The following NPFFR2 variants were observed in gnomAD, a reference collection of about 807,000 sequenced individuals.
The protein encoded by NPFFR2 is G-protein coupled receptor 74.
In NPFFR2, 15 loss-of-function variants were observed where a neutral mutation model predicts 13.1. The ratio of observed to expected loss-of-function variants is 1.15; its 90% CI spans 0.77 to 1.76. The LOEUF (loss-of-function observed/expected upper bound fraction) is 1.76. NPFFR2 is among the 40% of genes most tolerant of loss of function. The pLI is 0.00. For synonymous variants in NPFFR2, 190 were observed against 175.7 expected (o/e 1.08, Z -0.65); for missense variants, 572 against 503.5 (o/e 1.14, Z -1.30).
rs138034868 is a variant in NPFFR2, at chr4:72,045,290, G to T, written c.-8+13090G>T. On this transcript the variant is annotated intron_variant, in intron 1 of 3. Transcript: ENST00000308744. ...ATATTCTATTTATAGTTGTTTTTGAGAAATCTCCACATTGTTTTCCATCAT... is the reference window on the plus strand; with the variant it reads ...ATATTCTATTTATAGTTGTTTTTGATAAATCTCCACATTGTTTTCCATCAT... Among the ~76,000 whole-genome samples the T allele has an allele frequency of 5.9e-3, 902 of 152,212 alleles. 6 individuals carry two copies. The highest frequency in any genetic ancestry group is 0.02 in the African/African-American group (838 of 41,546).
intron 1 of NPFFR2, among the ~76,000 whole-genome samples, chr4:72,037,659 G>C (rs529955457): frequency 6.6e-6 from 1 of 152,074 alleles, no homozygotes; most frequent in Non-Finnish European, 1.5e-5. Flanking sequence ...ATCCTCCACA[G>C]GTGTGCAAAC....
intron 1 of NPFFR2, among the ~76,000 whole-genome samples, chr4:72,086,681 A>G (rs1353855145): frequency 6.6e-6 from 1 of 152,142 alleles, no homozygotes; most frequent in African/African-American, 2.4e-5. Flanking sequence ...TCTGTTTAGT[A>G]TCCAGAATAC....
intron 1 of NPFFR2, among the ~76,000 whole-genome samples, chr4:72,038,459 T>C (rs948339260): frequency 4.6e-5 from 7 of 152,202 alleles, no homozygotes; most frequent in Non-Finnish European, 7.3e-5. Context: ...ATTTCCCTAT[T>C]AGATTATCCT....
intron 1 of NPFFR2, among the ~76,000 whole-genome samples, chr4:72,096,162 T>C (rs1224693506): frequency 1.3e-5 from 2 of 152,196 alleles, no homozygotes; most frequent in Non-Finnish European, 2.9e-5. Context: ...AAAGGTCTGA[T>C]AAATGCCAGC....
chr4:72,046,554 A>G (rs547335268), intron 1 of NPFFR2, among the ~76,000 whole-genome samples: 46 of 152,280 alleles, frequency 3.0e-4, no homozygotes, highest in Admixed American at 1.5e-3. Context: ...TAAGTTACTC[A>G]GTGTGTGGTA....
intron 1 of NPFFR2, among the ~76,000 whole-genome samples, chr4:72,084,222 T>C (rs1055117613): frequency 6.6e-6 from 1 of 152,200 alleles, no homozygotes; most frequent in Non-Finnish European, 1.5e-5. Flanking sequence ...AGGAAAAAAT[T>C]CATTTCCTTT....
intron 1 of NPFFR2, among the ~76,000 whole-genome samples, chr4:72,051,680 C>G (rs181710001): frequency 6.6e-6 from 1 of 151,950 alleles, no homozygotes; most frequent in East Asian, 1.9e-4. Context: ...CACAAAAAAC[C>G]CTTCAAAAAA....
intron 2 of NPFFR2, among the ~76,000 whole-genome samples, chr4:72,134,458 A>G (rs1722347944): frequency 6.6e-6 from 1 of 152,090 alleles, no homozygotes; most frequent in South Asian, 2.1e-4. Flanking sequence ...CAGCACAAAC[A>G]TACATTCATA....
intron 1 of NPFFR2, among the ~76,000 whole-genome samples, chr4:72,114,776 T>C (rs1324328721): frequency 2.6e-5 from 4 of 152,172 alleles, no homozygotes; most frequent in African/African-American, 7.2e-5. Context: ...GTCAGAATAA[T>C]TAGACTCTTC....
intron 1 of NPFFR2, among the ~76,000 whole-genome samples, chr4:72,101,088 T>C (rs886333376): frequency 2.0e-5 from 3 of 152,066 alleles, no homozygotes; most frequent in African/African-American, 7.2e-5. Context: ...CTACACTATT[T>C]CCACTTATTT....
At chr4:72,110,998 C>G (rs534875223) in intron 1 of NPFFR2, among the ~76,000 whole-genome samples, 19 of 152,102 alleles carry the variant, frequency 1.2e-4, no homozygotes, top group South Asian at 8.3e-4. Context: ...CTCTAGGTCT[C>G]TTACTCATTT....
chr4:72,080,565 C>T (rs1009748491), intron 1 of NPFFR2, among the ~76,000 whole-genome samples: 9 of 152,078 alleles, frequency 5.9e-5, no homozygotes, highest in African/African-American at 2.2e-4. Flanking sequence ...GGGAATAAAT[C>T]CAGGTTTATT....
chr4:72,101,376 G>T (rs1259515010), intron 1 of NPFFR2, among the ~76,000 whole-genome samples: 2 of 151,608 alleles, frequency 1.3e-5, no homozygotes, highest in East Asian at 3.9e-4. Context: ...AATAGGTGCT[G>T]GGGTGAGACA....
intron 1 of NPFFR2, among the ~76,000 whole-genome samples, chr4:72,114,289 T>G (rs1721649124): frequency 6.6e-6 from 1 of 152,102 alleles, no homozygotes; most frequent in Non-Finnish European, 1.5e-5. Context: ...TCATGCTTGT[T>G]TCCTGTGACT....
chr4:72,043,998 G>A (rs1407895774), intron 1 of NPFFR2, among the ~76,000 whole-genome samples: 2 of 152,138 alleles, frequency 1.3e-5, no homozygotes, highest in African/African-American at 2.4e-5. Context: ...GGAAGTAATT[G>A]AATCACGGGG....
chr4:72,068,918 C>T (rs1323916641), intron 1 of NPFFR2: 3 of 1,190,494 alleles, frequency 2.5e-6, no homozygotes, highest in Non-Finnish European at 3.4e-6. Context: ...TCCAGGTCTC[C>T]TCAGTTGCGA....
At position 72,147,577 on chromosome 4, in the gene NPFFR2, G is replaced by A. The variant is rs1722827358; in HGVS notation, c.1028G>A (p.Gly343Asp). Residue 343 changes from glycine (G) to aspartate (D), a missense_variant, in exon 4 of 4, where the codon GGT (glycine) becomes GAT (aspartate). Coordinates refer to ENST00000308744, the MANE Select transcript of NPFFR2 (RefSeq NM_004885.3). ...TTCTTCAACGAGAATTTCCGCCGTG[G>A]TTTCCAAGAAGCTTTCCAGCTCCAG... ...YGFFNENFRR[G>D]FQEAFQLQLC... 7 of 1,614,174 alleles carry A rather than the reference G, an allele frequency of 4.3e-6. No homozygotes were observed. The highest frequency in any genetic ancestry group is 5.1e-6 in the Non-Finnish European group (6 of 1,180,032).
At chr4:72,075,091 A>G (rs981299615) in intron 1 of NPFFR2, among the ~76,000 whole-genome samples, 6 of 152,250 alleles carry the variant, frequency 3.9e-5, no homozygotes, top group Non-Finnish European at 8.8e-5. Context: ...TTACCATTTG[A>G]GTCAGTGGGC....
chr4:72,070,233 A>G (rs1459958710), intron 1 of NPFFR2, among the ~76,000 whole-genome samples: 2 of 152,168 alleles, frequency 1.3e-5, no homozygotes, highest in Non-Finnish European at 2.9e-5. Context: ...TATATAGCTC[A>G]TTGAAATAAG....
Sources: allele counts gnomAD v4.1 joint callset (sites outside exome capture counted in the v4.1 genomes callset), GRCh38; gene constraint gnomAD v4.1.1; transcripts MANE v1.5; gene names NCBI Gene and HGNC (gene_info 2026-07-23, HGNC 2026-07-21).